The following NEDD4 variants were observed in gnomAD, a reference collection of about 807,000 sequenced individuals.
NEDD4 encodes NEDD4 E3 ubiquitin protein ligase.
In NEDD4, 99 loss-of-function variants were observed where a neutral mutation model predicts 144.9. The observed-to-expected ratio is 0.68, with a 90% CI of 0.58 to 0.81. The LOEUF is 0.81. NEDD4 is among the 30% of genes least tolerant of loss of function. The probability of loss-of-function intolerance (pLI) is 0.00; values close to 1 mark genes in which losing one functional copy is unlikely to be tolerated. For synonymous variants in NEDD4, 318 were observed against 350.6 expected, an observed-to-expected ratio of 0.91 and a Z score of 1.04; for missense variants, 985 against 1,065.9, an observed-to-expected ratio of 0.92 and a Z score of 1.06.
intron 4 of NEDD4, among the ~76,000 whole-genome samples, chr15:55,939,348 T>C (rs1246934067): frequency 2.0e-5 from 3 of 152,170 alleles, no homozygotes; most frequent in East Asian, 1.9e-4. Flanking sequence ...TTCTGTCTCC[T>C]ACCATCTTGT....
chr15:55,978,984 G>C (rs2037750716), intron 1 of NEDD4, among the ~76,000 whole-genome samples: 2 of 149,570 alleles, frequency 1.3e-5, no homozygotes. Flanking sequence ...TTTCTCACAA[G>C]TCTTGAGAGA....
At position 55,840,232 on chromosome 15, in the gene NEDD4, T is replaced by C. The variant is rs553560676; in HGVS notation, c.2031+215A>G. Among the ~76,000 whole-genome samples, 6 of 151,452 alleles carry C rather than the reference T, an allele frequency of 4.0e-5. No individual in the cohort carries two copies. In the South Asian group the frequency reaches 1.0e-3, roughly 26 times the overall value. ...AAAGTAAATCTAGAAAAAAAGCAATTGTGAGTAGTTGATATACAACTGTCC... is the reference window on the plus strand; with the variant it reads ...AAAGTAAATCTAGAAAAAAAGCAATCGTGAGTAGTTGATATACAACTGTCC... On this transcript the variant is annotated intron_variant, in intron 21 of 28. Transcript: ENST00000435532.
intron 21 of NEDD4, among the ~76,000 whole-genome samples, chr15:55,839,517 T>G (rs2033368726): frequency 6.6e-6 from 1 of 152,134 alleles, no homozygotes; most frequent in Non-Finnish European, 1.5e-5. Flanking sequence ...AAAAATGAAC[T>G]TGGTACTAAG....
chr15:55,917,236 G>A, intron 5 of NEDD4: 3 of 854,998 alleles, frequency 3.5e-6, no homozygotes, highest in Non-Finnish European at 4.3e-6. Context: ...AGTTGAAACA[G>A]TATTTTTTCA....
chr15:55,991,401 A>G (rs938790754), intron 1 of NEDD4, among the ~76,000 whole-genome samples: 3 of 152,238 alleles, frequency 2.0e-5, no homozygotes, highest in African/African-American at 4.8e-5. Context: ...CCACAAGAAA[A>G]AAAGTGACTT....
In NEDD4 at chr15:55,829,910, T is replaced by A; in HGVS notation, c.2690A>T (p.Asp897Val). ...QMAIENTQGFDGVD is the reference protein window; with the variant it reads ...QMAIENTQGFVGVD The stretch of plus-strand genomic sequence containing the variant: ...GTTATTTGTAATCTAATCAACTCCA[T>A]CAAAGCCCTGGGTGTTTTCAATTGC... Residue 897 changes from aspartate (D) to valine (V), a missense_variant, in exon 29 of 29, where the codon GAT becomes GTT. Transcript: ENST00000435532. 2 of 1,612,554 alleles carry A rather than the reference T, an allele frequency of 1.2e-6. No homozygotes were observed. The highest frequency in any genetic ancestry group is 2.2e-5 in the South Asian group (2 of 90,940).
rs1157025343 is a variant in NEDD4, at chr15:55,960,825, G to A, written c.119+5648C>T. 2.0e-5 allele frequency among the ~76,000 whole-genome samples: 3 copies of A among 152,126 alleles called. No individual in the cohort carries two copies. The East Asian group carries it at 5.8e-4, about 29-fold the overall frequency. On this transcript the variant is annotated intron_variant, in intron 2 of 28. Coordinates refer to ENST00000435532, the MANE Select transcript of NEDD4 (RefSeq NM_006154.4). ...GAAAATGCCCTGGACCCCAGTAAAA[G>A]CCTCAGCCCACAGGTCACTTGTACT...
At chr15:55,944,919 A>G (rs569152536) in intron 4 of NEDD4, among the ~76,000 whole-genome samples, 1 of 152,324 alleles carries the variant, frequency 6.6e-6, no homozygotes, top group East Asian at 1.9e-4. Flanking sequence ...AGCTGAGGGA[A>G]CTGAGTGTTA....
chr15:55,952,421 A>G (rs2037258248), intron 2 of NEDD4, among the ~76,000 whole-genome samples: 1 of 152,206 alleles, frequency 6.6e-6, no homozygotes, highest in African/African-American at 2.4e-5. Flanking sequence ...CTTGTGATAT[A>G]TAGGGTTGTA....
Position 55,860,440 on chromosome 15 carries a change from T to G in NEDD4, c.927A>C (p.Gly309=). 4 of 1,614,140 alleles carry G rather than the reference T, an allele frequency of 2.5e-6. No individual in the cohort carries two copies. Among genetic ancestry groups the G allele is most frequent in the Non-Finnish European group, 3.4e-6 (4 of 1,180,008 alleles). Residue 309 remains glycine, a synonymous_variant, in exon 11 of 29, where the codon GGA becomes GGC. Coordinates refer to ENST00000435532, the MANE Select transcript of NEDD4 (RefSeq NM_006154.4). ...EELNARLTIF[G]NSAVSQPASS... ...ATGCTGGCTGGCTCACGGCTGAATT[T>G]CCAAAAATGGTGAGTCTGGCATTCA... is the stretch of plus-strand genomic sequence containing the variant.
At chr15:55,890,984 G>A (rs2035553694) in intron 5 of NEDD4, among the ~76,000 whole-genome samples, 1 of 152,124 alleles carries the variant, frequency 6.6e-6, no homozygotes, top group African/African-American at 2.4e-5. Flanking sequence ...GAGAGGCAGT[G>A]CCTGGTCACT....
chr15:55,980,852 T>C (rs1269456437), intron 1 of NEDD4, among the ~76,000 whole-genome samples: 1 of 152,062 alleles, frequency 6.6e-6, no homozygotes, highest in Non-Finnish European at 1.5e-5. Flanking sequence ...TAAAGCTCTG[T>C]CCAACAGCTT....
intron 24 of NEDD4, among the ~76,000 whole-genome samples, chr15:55,836,155 T>A (rs1023000092): frequency 1.3e-5 from 2 of 152,192 alleles, no homozygotes; most frequent in African/African-American, 4.8e-5. Flanking sequence ...TCTTTGTCCC[T>A]TCCTTTGCCC....
intron 13 of NEDD4, among the ~76,000 whole-genome samples, chr15:55,851,705 G>A (rs2033989095): frequency 6.6e-6 from 1 of 151,838 alleles, no homozygotes; most frequent in Non-Finnish European, 1.5e-5. Flanking sequence ...TTGAACTCCC[G>A]ACCTCAGGTG....
intron 1 of NEDD4, among the ~76,000 whole-genome samples, chr15:55,983,095 C>G (rs2037830168): frequency 6.6e-6 from 1 of 151,826 alleles, no homozygotes; most frequent in African/African-American, 2.4e-5. Context: ...GCACTTCAGC[C>G]TGGGCAACAA....
intron 5 of NEDD4, among the ~76,000 whole-genome samples, chr15:55,900,267 T>A (rs748358091): frequency 3.2e-4 from 48 of 152,270 alleles, no homozygotes; most frequent in Non-Finnish European, 6.6e-4. Flanking sequence ...CTGGATTTGT[T>A]TTAGAGCGCA....
intron 5 of NEDD4, chr15:55,917,000 T>C (rs2036471882): frequency 4.5e-6 from 6 of 1,334,198 alleles, no homozygotes; most frequent in Non-Finnish European, 4.8e-6. Flanking sequence ...ATACCAGATA[T>C]CATAGAAAGA....
intron 19 of NEDD4, 103 bp from the exon 20 acceptor site, chr15:55,840,830 A>G: frequency 8.9e-7 from 1 of 1,122,044 alleles, no homozygotes; most frequent in Non-Finnish European, 1.3e-6. Context: ...CACTGTTAGA[A>G]CCACATTCCT....
chr15:55,939,757 G>A (rs1453219921), intron 4 of NEDD4, among the ~76,000 whole-genome samples: 8 of 152,094 alleles, frequency 5.3e-5, no homozygotes, highest in African/African-American at 9.7e-5. Flanking sequence ...AATGTAAAAT[G>A]CTCCAGCCTC....
Sources: allele counts gnomAD v4.1 joint callset (sites outside exome capture counted in the v4.1 genomes callset), GRCh38; gene constraint gnomAD v4.1.1; transcripts MANE v1.5; gene names NCBI Gene and HGNC (gene_info 2026-07-23, HGNC 2026-07-21).